The following ZNF418 variants were observed in gnomAD, a reference collection of about 807,000 sequenced individuals.
ZNF418 encodes the protein zinc finger protein 418.
Under a neutral mutation model 32.0 loss-of-function variants are expected in ZNF418, and 32 were observed. That is an observed-to-expected ratio of 1.00 (90% CI 0.75 to 1.34). ZNF418 has a LOEUF of 1.34. Ranked by LOEUF, ZNF418 falls within the 40% of genes most tolerant of loss-of-function variation. The probability of loss-of-function intolerance (pLI) is 0.00; values close to 1 mark genes in which losing one functional copy is unlikely to be tolerated. For synonymous variants in ZNF418, 276 were observed against 270.7 expected (o/e 1.02, Z -0.19); for missense variants, 804 against 812.5 (o/e 0.99, Z 0.13).
chr19:57,927,831 T>C lies in ZNF418; in HGVS notation c.350A>G (p.Asn117Ser), dbSNP rs750772996. The C allele has an allele frequency of 2.5e-6, 4 of 1,614,086 alleles. No individual in the cohort carries two copies. The highest frequency in any genetic ancestry group is 1.7e-6 in the Non-Finnish European group (2 of 1,179,970). Residue 117 changes from asparagine to serine, a missense_variant, in exon 4 of 6, where the codon AAT becomes AGT. Physicochemically the swap from Asn to Ser is conservative, Grantham distance 46. Transcript: ENST00000396147. ...QKLHRCEAWG[N>S]KLYDSSNRPH... ...ACGGTTTGAACTATCATACAATTTA[T>C]TCCCCCATGCCTCACACCTGTGCAG... is the stretch of plus-strand genomic sequence containing the variant.
chr19:57,934,979 C>A, intron 1 of ZNF418, 182 bp downstream of exon 1: 1 of 1,421,412 alleles, frequency 7.0e-7, no homozygotes, highest in African/African-American at 1.4e-5. Flanking sequence ...CGCGCCGGTC[C>A]CTGTGCCTGT....
rs778008449 is a variant in ZNF418, at chr19:57,927,138, CCA to C, written c.1041_1042del (p.Cys347TrpfsTer19). On this transcript the variant is annotated frameshift_variant, in exon 4 of 6. Transcript: ENST00000396147. LOFTEE classifies it low-confidence loss of function (END_TRUNC). ...ATTGCCCTTCTGAGTAAAACATTTCCCACATTCTTCACACTCATAAGGTCTTT... is the reference window on the plus strand; with the variant it reads ...ATTGCCCTTCTGAGTAAAACATTTCCCATTCTTCACACTCATAAGGTCTTT... The C allele has an allele frequency of 1.2e-6, 2 of 1,614,138 alleles. No individual in the cohort carries two copies. The highest frequency in any genetic ancestry group is 1.7e-6 in the Non-Finnish European group (2 of 1,180,032).
At chr19:57,929,165 G>C (rs1462476219) in intron 3 of ZNF418, among the ~76,000 whole-genome samples, 2 of 152,198 alleles carry the variant, frequency 1.3e-5, no homozygotes, top group African/African-American at 4.8e-5. Flanking sequence ...CAGAGTACAA[G>C]TGACAAGGTG....
At chr19:57,932,525 G>A (rs1200404924) in intron 2 of ZNF418, 1 of 1,535,170 alleles carries the variant, frequency 6.5e-7, no homozygotes, top group Non-Finnish European at 8.7e-7. Flanking sequence ...ACCAGGTGGG[G>A]CTTTAGATAT....
chr19:57,926,426 G>A lies in ZNF418; in HGVS notation c.1755C>T (p.His585=). 2 of 1,614,056 alleles carry A rather than the reference G, an allele frequency of 1.2e-6. No homozygotes were observed. Among genetic ancestry groups the A allele is most frequent in the Middle Eastern group, 1.6e-4 (1 of 6,062 alleles). Residue 585 remains histidine, a synonymous_variant, in exon 4 of 6, where the codon CAC becomes CAT. Transcript: ENST00000396147. The stretch of plus-strand genomic sequence containing the variant: ...TGCATTCATAAGGCCTTTCTCCAGT[G>A]TGAACTCTCCTGTGTTCAAGGAGAC... ...FSSLLEHRRV[H]TGERPYECRE...
At position 57,924,143 on chromosome 19, in the gene ZNF418, A is replaced by G. The variant is rs77703067; in HGVS notation, c.*528-854T>C. The stretch of plus-strand genomic sequence containing the variant: ...GTCACAGAGCAACACCTTGTCTTAG[A>G]AAAAAAAAAAAAGAAAAACATGGAT... On this transcript the variant is annotated intron_variant, in intron 4 of 5. Transcript: ENST00000396147. Among the ~76,000 whole-genome samples the G allele has an allele frequency of 1.8e-4, 26 of 144,574 alleles. No individual in the cohort carries two copies. The East Asian group carries it at 3.2e-3, about 18-fold the overall frequency. The allele number at this position is 144,574 out of a possible 152,430, so 94.8% of individuals were successfully genotyped here.
chr19:57,935,327 C>G lies in ZNF418; in HGVS notation c.-247G>C. 1 of 754,520 alleles carries G rather than the reference C, an allele frequency of 1.3e-6. No homozygotes were observed. The highest frequency in any genetic ancestry group is 9.5e-5 in the East Asian group (1 of 10,564). 46.7% of individuals were successfully genotyped at this position (754,520 alleles called of 1,614,324 possible). ...GCGGTTCGGACCCATAGCTCCAGCG[C>G]CTCTCACCTCACAAACCGCAGAAAC... On this transcript the variant is annotated 5_prime_UTR_variant, in exon 1 of 6. Transcript: ENST00000396147.
chr19:57,923,455 CATAT>C (rs201906305), intron 4 of ZNF418, among the ~76,000 whole-genome samples, 166 bp from the exon 5 acceptor site: 3 of 150,804 alleles, frequency 2.0e-5, no homozygotes, highest in Admixed American at 6.6e-5. Flanking sequence ...TATATACACA[CATAT>C]ATATACATAT....
chr19:57,933,044 C>T (rs2072543748), intron 2 of ZNF418, among the ~76,000 whole-genome samples: 1 of 152,172 alleles, frequency 6.6e-6, no homozygotes, highest in Non-Finnish European at 1.5e-5. Context: ...CCTGCAACCA[C>T]CCCTTCCTGG....
At position 57,933,855 on chromosome 19, in the gene ZNF418, C is replaced by T. The variant is rs373501702; in HGVS notation, c.-33G>A. Reference sequence around the variant, plus strand: ...GGAGTTTAAACTCTGATCCTCCTTCCTCCTCCCTCAAACACAGTGTGTTCT... The same window carrying T: ...GGAGTTTAAACTCTGATCCTCCTTCTTCCTCCCTCAAACACAGTGTGTTCT... On this transcript the variant is annotated 5_prime_UTR_variant, in exon 2 of 6. Transcript: ENST00000396147. 4 of 1,614,136 alleles carry T rather than the reference C, an allele frequency of 2.5e-6. No homozygotes were observed. The South Asian group carries it at 3.3e-5, about 13-fold the overall frequency.
intron 1 of ZNF418, chr19:57,934,140 G>A: frequency 7.6e-7 from 1 of 1,319,752 alleles, no homozygotes; most frequent in South Asian, 1.9e-5. Context: ...AAAATGGCAA[G>A]TAAGAGTCCC....
At chr19:57,923,565 C>T (rs371164189) in intron 4 of ZNF418, among the ~76,000 whole-genome samples, 8 of 123,214 alleles carry the variant, frequency 6.5e-5, no homozygotes, top group East Asian at 6.3e-4. Flanking sequence ...CACACACACA[C>T]ATATATACAC....
rs2072197857 is a variant in ZNF418 at position 57,925,918 on chromosome 19, T to C, written c.*232A>G. On this transcript the variant is annotated 3_prime_UTR_variant, in exon 4 of 6. Coordinates refer to ENST00000396147, the MANE Select transcript of ZNF418 (RefSeq NM_133460.3). ...TAATATTTCCTGTACGTGTACAGTG[T>C]TTTCCTTATGAGAACAATCTGTTAT... is the stretch of plus-strand genomic sequence containing the variant. 1 of 543,886 alleles carries C rather than the reference T, an allele frequency of 1.8e-6. No homozygotes were observed. The highest frequency in any genetic ancestry group is 2.7e-5 in the South Asian group (1 of 36,996). 33.7% of individuals were successfully genotyped at this position (543,886 alleles called of 1,614,324 possible). A position where few individuals can be genotyped will look rare whatever the true frequency, so the allele number is the denominator to read the frequency against.
chr19:57,927,642 G>C lies in ZNF418; in HGVS notation c.539C>G (p.Thr180Ser). 6.2e-7 allele frequency: 1 copy of C among 1,614,050 alleles called. No homozygotes were observed. Among genetic ancestry groups the C allele is most frequent in the African/African-American group, 1.3e-5 (1 of 75,064 alleles). ...PSSGLLLQEA[T>S]HTGEKSNSKP... is the part of the protein sequence containing the mutation. Reference sequence around the variant, plus strand: ...GCTGTTTGACTTCTCCCCAGTGTGAGTGGCCTCCTGCAGCAGTAATCCTGA... The same window carrying C: ...GCTGTTTGACTTCTCCCCAGTGTGACTGGCCTCCTGCAGCAGTAATCCTGA... Residue 180 changes from threonine (T) to serine (S), a missense_variant, in exon 4 of 6, where the codon ACT becomes AGT. By Grantham distance (58) the Thr-to-Ser change is moderately conservative. Around this residue, in one of 3 missense-constraint regions of ZNF418, gnomAD observed 307 missense variants for 304.9 expected, o/e 1.01. Coordinates refer to ENST00000396147, the MANE Select transcript of ZNF418 (RefSeq NM_133460.3).
At chr19:57,931,290 C>G (rs559257075) in intron 2 of ZNF418, among the ~76,000 whole-genome samples, 93 of 152,006 alleles carry the variant, frequency 6.1e-4, no homozygotes, top group African/African-American at 2.0e-3. Context: ...CAACCTCCAC[C>G]TCCCAGGTTC....
chr19:57,932,643 T>A, intron 2 of ZNF418: 1 of 1,439,366 alleles, frequency 6.9e-7, no homozygotes, highest in East Asian at 2.6e-5. Context: ...TTATGGAGAA[T>A]GGTCTAAGAA....
At chr19:57,922,737 T>G (rs2072040070) in intron 5 of ZNF418, 108 bp from the exon 6 acceptor site, 2 of 394,262 alleles carry the variant, frequency 5.1e-6, no homozygotes, top group Admixed American at 8.9e-5. Context: ...CAGTGGCTCA[T>G]CCTGTAATCT....
chr19:57,925,052 G>C (rs2072154903), intron 4 of ZNF418, among the ~76,000 whole-genome samples: 2 of 152,132 alleles, frequency 1.3e-5, no homozygotes, highest in Non-Finnish European at 2.9e-5. Flanking sequence ...ACCCGAAAGA[G>C]TAAATACAAC....
At chr19:57,933,745 C>T (rs1010980230) in intron 2 of ZNF418, 72 bp downstream of exon 2, 2 of 1,591,626 alleles carry the variant, frequency 1.3e-6, no homozygotes, top group South Asian at 1.1e-5. Context: ...AATCTAGTTG[C>T]CATTTTACAA....
Sources: allele counts gnomAD v4.1 joint callset (sites outside exome capture counted in the v4.1 genomes callset), GRCh38; gene constraint gnomAD v4.1.1; regional missense constraint gnomAD v4.1.1; transcripts MANE v1.5; gene names NCBI Gene and HGNC (gene_info 2026-07-23, HGNC 2026-07-21).